HGD: variants seen among roughly 807,000 people sequenced by gnomAD.
The protein encoded by HGD is homogentisate 1,2-dioxygenase.
Under a neutral mutation model 60.8 loss-of-function variants are expected in HGD, and 61 were observed. That is an observed-to-expected ratio of 1.00 (90% CI 0.82 to 1.24). The LOEUF (loss-of-function observed/expected upper bound fraction) is 1.24. HGD is among the 50% of genes most tolerant of loss of function. The pLI, the probability that HGD is intolerant of heterozygous loss-of-function variation, is 0.00. For synonymous variants in HGD, 212 were observed against 187.7 expected, an observed-to-expected ratio of 1.13 and a Z score of -1.06; for missense variants, 542 against 547.1, an observed-to-expected ratio of 0.99 and a Z score of 0.09.
chr3:120,674,347 A>G (rs1708082045), intron 3 of HGD, among the ~76,000 whole-genome samples: 1 of 152,238 alleles, frequency 6.6e-6, no homozygotes, highest in Admixed American at 6.5e-5. Context: ...AACATGGCAC[A>G]GTATGTAAAT....
At chr3:120,668,268 C>T (rs1707944997) in intron 4 of HGD, among the ~76,000 whole-genome samples, 1 of 152,124 alleles carries the variant, frequency 6.6e-6, no homozygotes, top group South Asian at 2.1e-4. Flanking sequence ...ACCCTAAATG[C>T]CTCCCTCCCT....
intron 8 of HGD, 46 bp from the exon 9 acceptor site, chr3:120,646,412 G>A (rs1213433159): frequency 7.9e-7 from 1 of 1,268,696 alleles, no homozygotes; most frequent in African/African-American, 1.5e-5. Flanking sequence ...AATCACAGCT[G>A]TAGTTATAAA....
At chr3:120,652,427 A>T (rs1415727444) in intron 5 of HGD, among the ~76,000 whole-genome samples, 165 bp downstream of exon 5, 1 of 152,112 alleles carries the variant, frequency 6.6e-6, no homozygotes, top group Non-Finnish European at 1.5e-5. Context: ...TGGTTTCTGT[A>T]AGTAAGACAT....
chr3:120,663,811 T>C (rs1416130191), intron 4 of HGD, among the ~76,000 whole-genome samples: 2 of 150,222 alleles, frequency 1.3e-5, no homozygotes, highest in Non-Finnish European at 3.0e-5. Flanking sequence ...TATAATATAA[T>C]ATCAAAAATA....
chr3:120,666,408 G>T (rs2107542244), intron 4 of HGD, among the ~76,000 whole-genome samples: 1 of 152,222 alleles, frequency 6.6e-6, no homozygotes, highest in African/African-American at 2.4e-5. Flanking sequence ...ATGGGAAGCG[G>T]GGAGAAGGGG....
In HGD at chr3:120,633,261, C is replaced by T. The variant is rs1253974124; in HGVS notation, c.1074G>A (p.Leu358=). The T allele has an allele frequency of 6.2e-7, 1 of 1,614,076 alleles. No individual in the cohort carries two copies. Among genetic ancestry groups the T allele is most frequent in the Non-Finnish European group, 8.5e-7 (1 of 1,180,000 alleles). ...TGCTGTGTAGACTCCCTCCCCCTGG[C>T]AGGAACCCACCTTGCTTTGCCTCAT... ...GHYEAKQGGF[L]PGGGSLHSTM... is the part of the protein sequence containing the mutation. Residue 358 remains leucine (L), a synonymous_variant, in exon 13 of 14, where the codon CTG becomes CTA. Coordinates refer to ENST00000283871, the MANE Select transcript of HGD (RefSeq NM_000187.4).
chr3:120,659,786 A>G (rs945549814), intron 4 of HGD, among the ~76,000 whole-genome samples: 2 of 152,228 alleles, frequency 1.3e-5, no homozygotes, highest in Non-Finnish European at 2.9e-5. Flanking sequence ...TGAGTAATTT[A>G]TAAAGAAAAG....
At chr3:120,662,941 G>A (rs1027530891) in intron 4 of HGD, among the ~76,000 whole-genome samples, 3 of 152,112 alleles carry the variant, frequency 2.0e-5, no homozygotes, top group African/African-American at 7.2e-5. Flanking sequence ...TATGATTGTT[G>A]TCCTTATAAG....
intron 12 of HGD, among the ~76,000 whole-genome samples, chr3:120,637,030 T>C (rs949355453): frequency 2.6e-5 from 4 of 152,224 alleles, no homozygotes; most frequent in Non-Finnish European, 4.4e-5. Flanking sequence ...TGACCTTTGA[T>C]TGGATTTTCA....
intron 12 of HGD, among the ~76,000 whole-genome samples, chr3:120,634,693 C>T (rs1213610149): frequency 6.6e-6 from 1 of 152,148 alleles, no homozygotes; most frequent in African/African-American, 2.4e-5. Flanking sequence ...CAGTGGCAAC[C>T]GTTACAAAAT....
chr3:120,663,250 C>T (rs142352484), intron 4 of HGD, among the ~76,000 whole-genome samples: 3 of 152,208 alleles, frequency 2.0e-5, no homozygotes, highest in Admixed American at 6.5e-5. Context: ...GTAAGTACTT[C>T]CCCTTCTCTC....
chr3:120,640,602 A>G (rs1415261999), intron 11 of HGD, among the ~76,000 whole-genome samples: 3 of 152,242 alleles, frequency 2.0e-5, no homozygotes, highest in Non-Finnish European at 4.4e-5. Flanking sequence ...AATAAAAATA[A>G]ACCCAACCCT....
At chr3:120,633,506 T>G in intron 12 of HGD, 178 bp from the exon 13 acceptor site, 1 of 1,516,330 alleles carries the variant, frequency 6.6e-7, no homozygotes, top group Non-Finnish European at 8.8e-7. Flanking sequence ...CATATTGGCA[T>G]TCTTGGCAGG....
chr3:120,674,365 C>T (rs572859876), intron 3 of HGD, among the ~76,000 whole-genome samples: 2 of 152,274 alleles, frequency 1.3e-5, no homozygotes, highest in South Asian at 2.1e-4. Flanking sequence ...AATGAATATG[C>T]TGGTTTCTAG....
At chr3:120,638,766 A>G (rs1940867372) in intron 11 of HGD, among the ~76,000 whole-genome samples, 185 bp from the exon 12 acceptor site, 1 of 152,146 alleles carries the variant, frequency 6.6e-6, no homozygotes, top group Non-Finnish European at 1.5e-5. Flanking sequence ...ATATTGTGTG[A>G]TACTGAGGTT....
intron 1 of HGD, among the ~76,000 whole-genome samples, chr3:120,680,486 G>C (rs1327930220): frequency 6.6e-6 from 1 of 152,188 alleles, no homozygotes; most frequent in Non-Finnish European, 1.5e-5. Context: ...TGCATAATAA[G>C]TTGCTTAAAC....
At chr3:120,628,859 A>G (rs893754555) in intron 13 of HGD, among the ~76,000 whole-genome samples, 1 of 152,224 alleles carries the variant, frequency 6.6e-6, no homozygotes, top group Non-Finnish European at 1.5e-5. Context: ...ACATGGGAGA[A>G]TCCTGGGAAT....
At chr3:120,647,176 C>T in intron 7 of HGD, 124 bp from the exon 8 acceptor site, 1 of 756,086 alleles carries the variant, frequency 1.3e-6, no homozygotes, top group Non-Finnish European at 2.4e-6. Context: ...TATTGAGTCT[C>T]TTGGGGAAAA....
intron 1 of HGD, among the ~76,000 whole-genome samples, chr3:120,677,007 A>T (rs185515490): frequency 2.0e-5 from 3 of 152,286 alleles, no homozygotes; most frequent in Admixed American, 6.5e-5. Flanking sequence ...GCAATCTCTA[A>T]ACATAAATTG....
Sources: allele counts gnomAD v4.1 joint callset (sites outside exome capture counted in the v4.1 genomes callset), GRCh38; gene constraint gnomAD v4.1.1; transcripts MANE v1.5; gene names NCBI Gene and HGNC (gene_info 2026-07-23, HGNC 2026-07-21).